ADAM9: variants seen among roughly 807,000 people sequenced by gnomAD.
The protein encoded by ADAM9 is disintegrin and metalloproteinase domain-containing protein 9.
ADAM9 carries 54 observed loss-of-function variants against 108.1 expected under a neutral mutation model. The ratio of observed to expected loss-of-function variants is 0.50; its 90% CI spans 0.40 to 0.63. ADAM9 has a LOEUF of 0.63. ADAM9 is among the 20% of genes least tolerant of loss of function. The pLI, the probability that ADAM9 is intolerant of heterozygous loss-of-function variation, is 0.00. For missense variants in ADAM9, 830 were observed against 997.7 expected (o/e 0.83, Z 2.26); for synonymous variants, 316 against 336.0 (o/e 0.94, Z 0.65).
At chr8:39,041,807 A>G (rs1837462757) in intron 11 of ADAM9, 139 bp from the exon 12 acceptor site, 1 of 720,512 alleles carries the variant, frequency 1.4e-6, no homozygotes, top group Non-Finnish European at 2.3e-6. Flanking sequence ...GTAGATATGA[A>G]TTCTCATTTC....
intron 1 of ADAM9, among the ~76,000 whole-genome samples, chr8:38,997,743 T>A (rs1456082281): frequency 6.6e-6 from 1 of 152,264 alleles, no homozygotes; most frequent in East Asian, 1.9e-4. Flanking sequence ...GGGTCATTTT[T>A]GTAGTAAGAA....
intron 5 of ADAM9, 24 bp from the exon 6 acceptor site, chr8:39,017,194 TG>T (rs756893804): frequency 3.6e-5 from 58 of 1,613,464 alleles, no homozygotes; most frequent in Admixed American, 6.7e-5. Context: ...TCTTAAAATT[TG>T]TATACGTGTA....
intron 20 of ADAM9, among the ~76,000 whole-genome samples, chr8:39,092,166 T>C (rs7464810): frequency 0.41 from 62,434 of 152,020 alleles, 13,615 homozygotes; most frequent in East Asian, 0.73. Flanking sequence ...TTTAATGTTT[T>C]AAAACTTTTA....
chr8:39,059,650 T>C (rs994116189), intron 14 of ADAM9, among the ~76,000 whole-genome samples: 3 of 152,256 alleles, frequency 2.0e-5, no homozygotes, highest in African/African-American at 7.2e-5. Context: ...AACCCAGTCA[T>C]GGGCCATAGC....
intron 20 of ADAM9, among the ~76,000 whole-genome samples, chr8:39,094,716 T>C (rs1258594279): frequency 6.6e-6 from 1 of 152,158 alleles, no homozygotes; most frequent in Admixed American, 6.5e-5. Context: ...TGATTGTTCA[T>C]AGCAGTCTCT....
intron 21 of ADAM9, among the ~76,000 whole-genome samples, chr8:39,102,939 T>C (rs1839746130): frequency 6.6e-6 from 1 of 152,232 alleles, no homozygotes; most frequent in South Asian, 2.1e-4. Context: ...CAAATTACAA[T>C]TGCGTTGCAA....
At chr8:39,080,901 A>G in intron 16 of ADAM9, among the ~76,000 whole-genome samples, 1 of 142,726 alleles carries the variant, frequency 7.0e-6, no homozygotes, top group Middle Eastern at 3.6e-3. Context: ...TGGTAGGGGG[A>G]GTGGTAGTAG....
At chr8:38,998,626 A>G (rs140613234) in intron 1 of ADAM9, among the ~76,000 whole-genome samples, 1 of 152,176 alleles carries the variant, frequency 6.6e-6, no homozygotes, top group East Asian at 1.9e-4. Context: ...AAGGTGACCA[A>G]ATATGCTAAG....
chr8:39,004,505 A>G (rs995182415), intron 1 of ADAM9, among the ~76,000 whole-genome samples: 1 of 152,224 alleles, frequency 6.6e-6, no homozygotes, highest in African/African-American at 2.4e-5. Context: ...TTGAGCTACC[A>G]TGCCTGGCCA....
Position 39,073,221 on chromosome 8 carries a change from G to A in ADAM9, c.1697+1818G>A, listed in dbSNP as rs145753787. Among the ~76,000 whole-genome samples the A allele has an allele frequency of 2.1e-3, 324 of 152,272 alleles. 1 individual carries two copies. The highest frequency in any genetic ancestry group is 5.0e-3 in the Admixed American group (76 of 15,298). On this transcript the variant is annotated intron_variant, in intron 15 of 21. Coordinates refer to ENST00000487273, the MANE Select transcript of ADAM9 (RefSeq NM_003816.3). ...CAAATATTTCATATCTATGGTGTAC[G>A]TGTGTTATATCTGTTCCTTCAATTT...
intron 13 of ADAM9, among the ~76,000 whole-genome samples, chr8:39,055,179 A>T (rs1838079206): frequency 6.6e-6 from 1 of 152,174 alleles, no homozygotes. Flanking sequence ...GGTGCAGAAT[A>T]TTCATACTAA....
intron 15 of ADAM9, chr8:39,076,280 GTATT>G (rs1323792810): frequency 6.6e-6 from 1 of 152,204 alleles, no homozygotes; most frequent in African/African-American, 2.4e-5. Context: ...GGTGAAGTAA[GTATT>G]TAGGAGCTGC....
At position 39,007,963 on chromosome 8, in the gene ADAM9, C is replaced by G. The variant is rs774821122; in HGVS notation, c.175C>G (p.Pro59Ala). The G allele has an allele frequency of 5.0e-6, 8 of 1,605,786 alleles. No individual in the cohort carries two copies. The highest frequency in any genetic ancestry group is 6.8e-6 in the Non-Finnish European group (8 of 1,173,714). Reference protein sequence around the residue: ...WRLTRERREAPRPYSKQVSYV... With the variant: ...WRLTRERREAARPYSKQVSYV... ...ATTAACTAGAGAAAGAAGAGAAGCCCCTAGGCCCTATTCAAAACAAGTAAG... is the reference window on the plus strand; with the variant it reads ...ATTAACTAGAGAAAGAAGAGAAGCCGCTAGGCCCTATTCAAAACAAGTAAG... The change falls in exon 2 of 22, where the codon CCT (proline) becomes GCT (alanine). Residue 59 changes from proline to alanine, a missense_variant. This residue lies in a region of ADAM9 where 211 missense variants were observed against 222.2 expected (regional missense o/e 0.95). Coordinates refer to ENST00000487273, the MANE Select transcript of ADAM9 (RefSeq NM_003816.3).
chr8:39,099,998 G>A (rs1239943877), intron 20 of ADAM9, among the ~76,000 whole-genome samples: 2 of 148,858 alleles, frequency 1.3e-5, no homozygotes, highest in African/African-American at 2.5e-5. Context: ...TTCTGCCTTA[G>A]CCTCCTGAGT....
At chr8:39,024,026 G>A (rs777618310) in intron 9 of ADAM9, among the ~76,000 whole-genome samples, 4 of 152,132 alleles carry the variant, frequency 2.6e-5, no homozygotes, top group African/African-American at 4.8e-5. Flanking sequence ...GATTATAGGC[G>A]TGACACTGGG....
intron 9 of ADAM9, among the ~76,000 whole-genome samples, chr8:39,023,820 C>CA (rs1349616500): frequency 1.3e-4 from 18 of 140,798 alleles, no homozygotes. Flanking sequence ...GATCTTGGCT[C>CA]ACTGCAGCCT....
At chr8:39,074,685 A>C (rs1433424972) in intron 15 of ADAM9, among the ~76,000 whole-genome samples, 2 of 151,996 alleles carry the variant, frequency 1.3e-5, no homozygotes, top group African/African-American at 4.8e-5. Context: ...GGACTCAATC[A>C]AGGATCACAC....
rs1202208781 is a variant in ADAM9 at position 39,011,704 on chromosome 8, T to A, written c.242T>A (p.Leu81Ter). 1 of 1,610,716 alleles carries A rather than the reference T, an allele frequency of 6.2e-7. No homozygotes were observed. The highest frequency in any genetic ancestry group is 8.5e-7 in the Non-Finnish European group (1 of 1,176,914). ...QAEGKEHIIH[L>*]ERNKDLLPED... is the part of the protein sequence containing the mutation. ...GAAGGAAAAGAGCATATTATTCACT[T>A]GGAAAGGAACAAGTAAGACATTTAA... Residue 81 changes from leucine (L) to a stop codon, truncating the protein, a stop_gained, in exon 3 of 22, where the codon TTG becomes TAG. Coordinates refer to ENST00000487273, the MANE Select transcript of ADAM9 (RefSeq NM_003816.3). LOFTEE classifies it high-confidence loss of function.
chr8:39,049,998 TGTC>T (rs1837904850), intron 12 of ADAM9, among the ~76,000 whole-genome samples: 1 of 152,204 alleles, frequency 6.6e-6, no homozygotes, highest in African/African-American at 2.4e-5. Flanking sequence ...AAAGTCTTAA[TGTC>T]TTCTTCATTT....
Sources: gnomAD v4.1 joint callset for allele counts (sites outside exome capture counted in the v4.1 genomes callset) on GRCh38, gnomAD v4.1.1 for gene constraint, gnomAD v4.1.1 regional missense constraint, MANE v1.5 for transcripts, NCBI Gene and HGNC (gene_info 2026-07-23, HGNC 2026-07-21) for gene names.